The following CELA3B variants were observed in gnomAD, a reference collection of about 807,000 sequenced individuals.
CELA3B encodes chymotrypsin-like elastase family member 3B.
In CELA3B, 34 loss-of-function variants were observed where a neutral mutation model predicts 37.2. The ratio of observed to expected loss-of-function variants is 0.91; its 90% CI spans 0.70 to 1.22. The LOEUF (loss-of-function observed/expected upper bound fraction) is 1.22, where lower values mean the gene tolerates loss of function less well. CELA3B is among the 50% of genes most tolerant of loss of function. The probability of loss-of-function intolerance (pLI) is 0.00; values close to 1 mark genes in which losing one functional copy is unlikely to be tolerated. For missense variants in CELA3B, 340 were observed against 363.1 expected (o/e 0.94, Z 0.52); for synonymous variants, 127 against 143.5 (o/e 0.89, Z 0.82).
At chr1:21,993,254 A>C (rs1006496592), downstream of CELA3B, among the ~76,000 whole-genome samples, 10 of 151,362 alleles carry the variant, frequency 6.6e-5, no homozygotes, top group Admixed American at 5.9e-4. Context: ...TGAGGTCAGG[A>C]GTTCGAGACC....
intron 2 of CELA3B, among the ~76,000 whole-genome samples, chr1:21,980,511 G>A (rs58598600): frequency 0.054 from 8,082 of 149,302 alleles, 502 homozygotes; most frequent in African/African-American, 0.16. Context: ...CGAGGGGTGC[G>A]TGATAGAACA....
rs772540447 is a variant in CELA3B, at chr1:21,978,329, G to A, written c.44-40G>A. The A allele has an allele frequency of 2.7e-5, 44 of 1,611,690 alleles. No individual in the cohort carries two copies. The Middle Eastern group carries it at 4.9e-4, about 18-fold the overall frequency. On this transcript the variant is annotated intron_variant, in intron 1 of 7. Coordinates refer to ENST00000337107, the MANE Select transcript of CELA3B (RefSeq NM_007352.4). ...ACCCTGGCCTCCTCTTTGCTTTTGG[G>A]GACCCTCCCGCTGATTGACAGCTCT...
At chr1:21,994,726 A>G (rs1301821775) in intron 4 of CELA3B, among the ~76,000 whole-genome samples, 1 of 151,046 alleles carries the variant, frequency 6.6e-6, no homozygotes, top group Non-Finnish European at 1.5e-5. Context: ...GTGGCCAGGC[A>G]TGGTGGCTCA....
At chr1:21,986,787 A>G in intron 7 of CELA3B, 104 bp downstream of exon 7, 2 of 1,321,160 alleles carry the variant, frequency 1.5e-6, no homozygotes, top group Non-Finnish European at 2.1e-6. Context: ...AGGATCCTAG[A>G]AGCTCAGTGG....
downstream of CELA3B, among the ~76,000 whole-genome samples, chr1:21,989,628 A>G (rs572964218): frequency 1.5e-4 from 23 of 150,008 alleles, no homozygotes; most frequent in Admixed American, 2.7e-4. Context: ...ATAGTCGCAC[A>G]TAAGTCAGTA....
chr1:21,980,245 C>T (rs1475989168), intron 2 of CELA3B, among the ~76,000 whole-genome samples: 2 of 142,708 alleles, frequency 1.4e-5, no homozygotes, highest in East Asian at 2.1e-4. Flanking sequence ...TTCGGGAGGC[C>T]GAGGTGGGCA....
At chr1:21,982,629 G>A (rs1644812185) in intron 4 of CELA3B, among the ~76,000 whole-genome samples, 1 of 151,942 alleles carries the variant, frequency 6.6e-6, no homozygotes, top group Non-Finnish European at 1.5e-5. Flanking sequence ...CCTTAGCCAA[G>A]ATCCACTGCA....
chr1:21,988,469 T>G (rs766661913), intron 7 of CELA3B, among the ~76,000 whole-genome samples: 1 of 151,622 alleles, frequency 6.6e-6, no homozygotes, highest in East Asian at 1.9e-4. Flanking sequence ...TGCATGGCTG[T>G]AATCTCAGCT....
intron 6 of CELA3B, among the ~76,000 whole-genome samples, chr1:21,984,965 A>C (rs1644829077): frequency 6.6e-6 from 1 of 151,908 alleles, no homozygotes; most frequent in African/African-American, 2.4e-5. Flanking sequence ...ATAATAATAA[A>C]GTTATAATTA....
rs1644839643 is a variant in CELA3B at position 21,986,532 on chromosome 1, G to A, written c.644G>A (p.Gly215Asp). 1.9e-6 allele frequency: 3 copies of A among 1,613,886 alleles called. No homozygotes were observed. Among genetic ancestry groups the A allele is most frequent in the Admixed American group, 1.7e-5 (1 of 59,906 alleles). ...AGGDIRSGCNGDSGGPLNCPT... is the reference protein window; with the variant it reads ...AGGDIRSGCNDDSGGPLNCPT... ...CCCACACCTCTCTGACGGTTCCAGG[G>A]TGACTCTGGAGGACCCCTCAACTGC... is the stretch of plus-strand genomic sequence containing the variant. Residue 215 changes from glycine (G) to aspartate (D), a missense_variant and splice_region_variant, in exon 7 of 8, where the codon GGT becomes GAT. Physicochemically the swap from Gly to Asp is moderately conservative, Grantham distance 94. Transcript: ENST00000337107.
intron 7 of CELA3B, among the ~76,000 whole-genome samples, chr1:21,988,613 C>T (rs1418479261): frequency 2.3e-5 from 3 of 129,752 alleles, no homozygotes; most frequent in African/African-American, 9.0e-5. Flanking sequence ...AAAAAAAAGC[C>T]GGGCATGGTG....
chr1:21,992,927 T>C (rs1485884902), downstream of CELA3B, among the ~76,000 whole-genome samples: 1 of 146,792 alleles, frequency 6.8e-6, no homozygotes, highest in Non-Finnish European at 1.5e-5. Context: ...ATTGCACCAC[T>C]GTACCACTCC....
chr1:21,981,939 A>T (rs540238175), intron 4 of CELA3B, among the ~76,000 whole-genome samples: 1 of 151,906 alleles, frequency 6.6e-6, no homozygotes, highest in African/African-American at 2.4e-5. Context: ...GTTAGCCAGG[A>T]TGATCTCGAT....
intron 5 of CELA3B, 65 bp from the exon 6 acceptor site, chr1:21,984,124 C>A (rs999015324): frequency 2.6e-6 from 4 of 1,558,612 alleles, no homozygotes; most frequent in Non-Finnish European, 3.5e-6. Context: ...TTGGATGCCC[C>A]CTTCCTCTGG....
downstream of CELA3B, among the ~76,000 whole-genome samples, chr1:21,991,468 T>C (rs1356264382): frequency 6.6e-6 from 1 of 150,652 alleles, no homozygotes; most frequent in African/African-American, 2.5e-5. Flanking sequence ...CCCAAGCAGC[T>C]GGGACTACAG....
intron 2 of CELA3B, among the ~76,000 whole-genome samples, chr1:21,980,217 C>G (rs377131862): frequency 7.5e-6 from 1 of 133,888 alleles, no homozygotes; most frequent in Non-Finnish European, 1.6e-5. Context: ...CGGTGGCTCA[C>G]GCCTGTAATC....
intron 1 of CELA3B, 86 bp from the exon 2 acceptor site, chr1:21,978,283 G>A (rs987731917): frequency 2.0e-6 from 3 of 1,496,740 alleles, no homozygotes; most frequent in Admixed American, 1.7e-5. Flanking sequence ...ACAGCCACTT[G>A]AAGGCACGGC....
intron 6 of CELA3B, 51 bp from the exon 7 acceptor site, chr1:21,986,480 C>T: frequency 6.9e-6 from 11 of 1,603,490 alleles, no homozygotes; most frequent in Non-Finnish European, 9.3e-6. Context: ...AGAACCAGTT[C>T]CATAAACCTC....
chr1:21,987,524 G>C (rs1399450632), intron 7 of CELA3B: 4 of 99,312 alleles, frequency 4.0e-5, no homozygotes, highest in Non-Finnish European at 9.8e-5. Flanking sequence ...CTACTTGGGA[G>C]GCTGAGGCAG....
Sources: gnomAD v4.1 joint callset for allele counts (sites outside exome capture counted in the v4.1 genomes callset) on GRCh38, gnomAD v4.1.1 for gene constraint, MANE v1.5 for transcripts, NCBI Gene and HGNC (gene_info 2026-07-23, HGNC 2026-07-21) for gene names.